Variants in LTBP1 observed in about 807,000 individuals in gnomAD.
The protein encoded by LTBP1 is latent-transforming growth factor beta-binding protein 1.
In LTBP1, 129 loss-of-function variants were observed where a neutral mutation model predicts 207.6. The ratio of observed to expected loss-of-function variants is 0.62; its 90% CI spans 0.54 to 0.72. The LOEUF is 0.72. LTBP1 is among the 30% of genes least tolerant of loss of function. The pLI is 0.00. For synonymous variants in LTBP1, 963 were observed against 833.7 expected (o/e 1.16, Z -2.67); for missense variants, 2,281 against 2,217.2 (o/e 1.03, Z -0.58).
intron 25 of LTBP1, among the ~76,000 whole-genome samples, 188 bp from the exon 26 acceptor site, chr2:33,347,179 T>C (rs149212779): frequency 0.019 from 2,953 of 151,730 alleles, 46 homozygotes; most frequent in Non-Finnish European, 0.03. Flanking sequence ...CATAGTCCTT[T>C]CGTACAGACC....
At chr2:33,301,135 GA>G (rs2148998185) in intron 21 of LTBP1, among the ~76,000 whole-genome samples, 1 of 152,262 alleles carries the variant, frequency 6.6e-6, no homozygotes, top group African/African-American at 2.4e-5. Flanking sequence ...ACTTTTTAAA[GA>G]AACATTTCAT....
At chr2:33,235,138 T>G (rs1045207693) in intron 9 of LTBP1, among the ~76,000 whole-genome samples, 1 of 152,202 alleles carries the variant, frequency 6.6e-6, no homozygotes, top group African/African-American at 2.4e-5. Context: ...AGAACATTTT[T>G]GCAGTCTATC....
At chr2:33,076,131 G>T (rs900367089) in intron 3 of LTBP1, among the ~76,000 whole-genome samples, 13 of 152,200 alleles carry the variant, frequency 8.5e-5, no homozygotes, top group Non-Finnish European at 1.6e-4. Flanking sequence ...AATCATTGAG[G>T]TTTATTGAGC....
chr2:33,111,869 C>A (rs1002039993), intron 4 of LTBP1, among the ~76,000 whole-genome samples: 4 of 151,974 alleles, frequency 2.6e-5, no homozygotes, highest in Admixed American at 2.6e-4. Context: ...CCATTTAGAT[C>A]ATTAGGAAAA....
At chr2:33,107,517 A>G (rs2080133310) in intron 3 of LTBP1, among the ~76,000 whole-genome samples, 2 of 152,138 alleles carry the variant, frequency 1.3e-5, no homozygotes, top group African/African-American at 4.8e-5. Flanking sequence ...GCTTTGTCAA[A>G]TGTTAACTCT....
intron 3 of LTBP1, among the ~76,000 whole-genome samples, chr2:33,057,852 G>A (rs1214454625): frequency 3.3e-5 from 5 of 152,232 alleles, no homozygotes; most frequent in East Asian, 1.9e-4. Context: ...CTCCGGCCTC[G>A]GCCAGCCCAG....
chr2:33,017,726 T>C (rs1053280158), intron 2 of LTBP1, among the ~76,000 whole-genome samples: 4 of 152,252 alleles, frequency 2.6e-5, no homozygotes, highest in East Asian at 1.9e-4. Context: ...ACGCCATTCT[T>C]CTGCCTCAGC....
intron 2 of LTBP1, among the ~76,000 whole-genome samples, chr2:33,005,192 A>T (rs1282899336): frequency 6.6e-6 from 1 of 152,188 alleles, no homozygotes; most frequent in Non-Finnish European, 1.5e-5. Context: ...AAACCAACAC[A>T]ACCATTTATT....
intron 5 of LTBP1, among the ~76,000 whole-genome samples, chr2:33,165,121 T>A: frequency 6.6e-6 from 1 of 152,072 alleles, no homozygotes; most frequent in South Asian, 2.1e-4. Context: ...AAATGGAGAG[T>A]CATAGAAAAA....
rs1005894733 is a variant in LTBP1 at position 33,109,938 on chromosome 2, G to A, written c.864-644G>A. ...TTAGAAGGTCCCACTGTATCATACA[G>A]CTTTAATTGTTTATGATTGCTTTTG... On this transcript the variant is annotated intron_variant, in intron 3 of 33. Transcript: ENST00000404816. Among the ~76,000 whole-genome samples the A allele has an allele frequency of 2.0e-5, 3 of 152,140 alleles. No homozygotes were observed. The East Asian group carries it at 5.8e-4, about 29-fold the overall frequency.
At chr2:33,080,925 A>G (rs1002069152) in intron 3 of LTBP1, among the ~76,000 whole-genome samples, 1 of 152,234 alleles carries the variant, frequency 6.6e-6, no homozygotes, top group African/African-American at 2.4e-5. Context: ...ATCTATAATA[A>G]AAGACAGGTT....
intron 11 of LTBP1, 48 bp downstream of exon 11, chr2:33,252,892 G>C: frequency 6.8e-7 from 1 of 1,479,014 alleles, no homozygotes; most frequent in Non-Finnish European, 9.1e-7. Context: ...AGCCACATGA[G>C]TACACGGGAC....
chr2:33,056,803 T>G (rs13020599), intron 3 of LTBP1, among the ~76,000 whole-genome samples: 20,626 of 151,980 alleles, frequency 0.14, 1,560 homozygotes, highest in South Asian at 0.21. Context: ...GAACAAAGCT[T>G]CCACAGTGTG....
In LTBP1 at chr2:33,389,252, G is replaced by A; in HGVS notation, c.4780G>A (p.Val1594Ile). 6.2e-7 allele frequency: 1 copy of A among 1,614,190 alleles called. No individual in the cohort carries two copies. Among genetic ancestry groups the A allele is most frequent in the Non-Finnish European group, 8.5e-7 (1 of 1,180,036 alleles). The part of the protein sequence containing the change: ...RRQPYGRDAL[V>I]DFSEQYTPEA... Reference sequence around the variant, plus strand: ...GCAGCCATATGGACGGGACGCCTTGGTTGACTTCAGTGAACAGTATACTCC... The same window carrying A: ...GCAGCCATATGGACGGGACGCCTTGATTGACTTCAGTGAACAGTATACTCC... Residue 1594 changes from valine to isoleucine, a missense_variant, in exon 32 of 34, where the codon GTT becomes ATT. Val to Ile is a conservative substitution (Grantham distance 29). Around this residue, in one of 3 missense-constraint regions of LTBP1, gnomAD observed 1,671 missense variants for 1,634.8 expected, o/e 1.02. Transcript: ENST00000404816.
chr2:33,274,593 C>G (rs1309688985), intron 16 of LTBP1, among the ~76,000 whole-genome samples: 1 of 152,182 alleles, frequency 6.6e-6, no homozygotes, highest in Admixed American at 6.5e-5. Flanking sequence ...TAATCCAACT[C>G]CATCCACATG....
intron 13 of LTBP1, 105 bp downstream of exon 13, chr2:33,259,715 T>C (rs2092959499): frequency 9.5e-7 from 1 of 1,052,622 alleles, no homozygotes. Context: ...ACATCTCTAT[T>C]ATGCATCATT....
intron 7 of LTBP1, among the ~76,000 whole-genome samples, chr2:33,191,857 G>T (rs2087925075): frequency 6.6e-6 from 1 of 152,210 alleles, no homozygotes; most frequent in Non-Finnish European, 1.5e-5. Flanking sequence ...ATGTTGCTAT[G>T]AGAGGTCATA....
intron 5 of LTBP1, among the ~76,000 whole-genome samples, chr2:33,165,258 G>A (rs1032344352): frequency 2.0e-5 from 3 of 152,206 alleles, no homozygotes; most frequent in African/African-American, 7.2e-5. Flanking sequence ...AGGCTCTGCT[G>A]TAGTCTGTGA....
chr2:33,140,843 A>G (rs1334483445), intron 5 of LTBP1, among the ~76,000 whole-genome samples: 1 of 151,400 alleles, frequency 6.6e-6, no homozygotes, highest in East Asian at 1.9e-4. Context: ...AATTTTTTGT[A>G]TTTTCAGTAG....
Sources: allele counts gnomAD v4.1 joint callset (sites outside exome capture counted in the v4.1 genomes callset), GRCh38; gene constraint gnomAD v4.1.1; regional missense constraint gnomAD v4.1.1; transcripts MANE v1.5; gene names NCBI Gene and HGNC (gene_info 2026-07-23, HGNC 2026-07-21).